The following MUC17 variants were observed in gnomAD, a reference collection of about 807,000 sequenced individuals.
The protein encoded by MUC17 is mucin 17, cell surface associated, also known as mucin-17.
MUC17 carries 190 observed loss-of-function variants against 170.3 expected under a neutral mutation model. The observed-to-expected ratio is 1.12, with a 90% CI of 0.99 to 1.26. The LOEUF is 1.26. Ranked by LOEUF, MUC17 falls within the 50% of genes most tolerant of loss-of-function variation. MUC17 has a pLI of 0.00. For synonymous variants in MUC17, 2,325 were observed against 2,002.5 expected (o/e 1.16, Z -4.30); for missense variants, 6,415 against 5,530.0 (o/e 1.16, Z -5.08).
At chr7:101,030,516 C>A (rs1380497935) in intron 1 of MUC17, among the ~76,000 whole-genome samples, 1 of 152,154 alleles carries the variant, frequency 6.6e-6, no homozygotes, top group Non-Finnish European at 1.5e-5. Flanking sequence ...AGCCACCACG[C>A]CCAGTCAGTT....
Position 101,048,120 on chromosome 7 carries a change from G to A in MUC17, c.12535+5G>A, listed in dbSNP as rs780366592. The A allele has an allele frequency of 1.3e-6, 2 of 1,576,800 alleles. No individual in the cohort carries two copies. The highest frequency in any genetic ancestry group is 8.6e-7 in the Non-Finnish European group (1 of 1,162,478). ...TGGTCAGCAGCATTGACATAGGTGA[G>A]TGCAACCCCAGGCCTTCCCCCACCC... On this transcript the variant is annotated splice_donor_5th_base_variant and intron_variant, in intron 4 of 12. Transcript: ENST00000306151.
chr7:101,039,247 AC>A lies in MUC17; in HGVS notation c.7833del (p.Ser2612ValfsTer20), dbSNP rs768891355. 1.2e-5 allele frequency: 20 copies of A among 1,605,606 alleles called. No homozygotes were observed. The highest frequency in any genetic ancestry group is 1.7e-5 in the Non-Finnish European group (20 of 1,176,724). ...TSIPVTTSTE[T>X]SSSPTTAKDT... Reference sequence around the variant, plus strand: ...CATACCTGTCACCACTTCTACTGAAACCAGTTCATCTCCTACAACTGCAAAA... The same window carrying A: ...CATACCTGTCACCACTTCTACTGAAACAGTTCATCTCCTACAACTGCAAAA... On this transcript the variant is annotated frameshift_variant, in exon 3 of 13. Coordinates refer to ENST00000306151, the MANE Select transcript of MUC17 (RefSeq NM_001040105.2). LOFTEE classifies it high-confidence loss of function.
At chr7:101,043,846 T>G in intron 3 of MUC17, 27 bp downstream of exon 3, 1 of 1,564,988 alleles carries the variant, frequency 6.4e-7, no homozygotes, top group Non-Finnish European at 8.7e-7. Context: ...ATTTTCCTTT[T>G]TTTTAAAATT....
chr7:101,058,017 G>C lies in MUC17; in HGVS notation c.13455G>C (p.Arg4485Ser). ...TCTCTTTTCAGATCCGAATTCAGAGGCCTCAGGTAATGACGACATCATTTT... is the reference window on the plus strand; with the variant it reads ...TCTCTTTTCAGATCCGAATTCAGAGCCCTCAGGTAATGACGACATCATTTT... ...IDPETKIRIQ[R>S]PQVMTTSF is the part of the protein sequence containing the mutation. The change falls in exon 13 of 13, where the codon AGG becomes AGC. Residue 4485 changes from arginine (R) to serine (S), a missense_variant. By Grantham distance (110) the Arg-to-Ser change is moderately radical. Coordinates refer to ENST00000306151, the MANE Select transcript of MUC17 (RefSeq NM_001040105.2). 6.2e-7 allele frequency: 1 copy of C among 1,613,884 alleles called. No individual in the cohort carries two copies. Among genetic ancestry groups the C allele is most frequent in the Admixed American group, 1.7e-5 (1 of 60,022 alleles).
chr7:101,041,884 A>C lies in MUC17; in HGVS notation c.10468A>C (p.Thr3490Pro). Residue 3490 changes from threonine to proline, a missense_variant, in exon 3 of 13, where the codon ACC becomes CCC. Coordinates refer to ENST00000306151, the MANE Select transcript of MUC17 (RefSeq NM_001040105.2). The stretch of plus-strand genomic sequence containing the variant: ...TCCTGTTGACACCAGCACACCTGTG[A>C]CCACTTCTTCTCCAACCAATTCATC... The part of the protein sequence containing the change: ...TTPVDTSTPV[T>P]TSSPTNSSPT... 1.2e-6 allele frequency: 2 copies of C among 1,614,076 alleles called. No individual in the cohort carries two copies. Among genetic ancestry groups the C allele is most frequent in the Non-Finnish European group, 1.7e-6 (2 of 1,180,000 alleles).
At chr7:101,056,375 G>A (rs1795045984) in intron 12 of MUC17, 105 bp downstream of exon 12, 1 of 1,509,700 alleles carries the variant, frequency 6.6e-7, no homozygotes, top group Non-Finnish European at 8.9e-7. Flanking sequence ...CATGTTTACA[G>A]TTTATTGGTC....
intron 7 of MUC17, among the ~76,000 whole-genome samples, chr7:101,051,261 A>G (rs1794936070): frequency 6.9e-6 from 1 of 144,828 alleles, no homozygotes; most frequent in Admixed American, 7.1e-5. Flanking sequence ...GCTACTTGGG[A>G]GGCTGAGGCA....
rs745639623 is a variant in MUC17, at chr7:101,052,974, C to G, written c.13104-12C>G. On this transcript the variant is annotated splice_polypyrimidine_tract_variant and intron_variant, in intron 9 of 12. Coordinates refer to ENST00000306151, the MANE Select transcript of MUC17 (RefSeq NM_001040105.2). ...TCTCTCTCCCCAACCTGCCGCTTCTCTCCCATCTCAGCTGCGTGACCACGG... is the reference window on the plus strand; with the variant it reads ...TCTCTCTCCCCAACCTGCCGCTTCTGTCCCATCTCAGCTGCGTGACCACGG... 1.2e-6 allele frequency: 2 copies of G among 1,608,876 alleles called. No homozygotes were observed. Among genetic ancestry groups the G allele is most frequent in the Admixed American group, 3.4e-5 (2 of 59,590 alleles).
Position 101,043,466 on chromosome 7 carries a change from C to T in MUC17, c.12050C>T (p.Thr4017Ile). 6.2e-7 allele frequency: 1 copy of T among 1,614,216 alleles called. No individual in the cohort carries two copies. The highest frequency in any genetic ancestry group is 1.1e-5 in the South Asian group (1 of 91,082). ...MSTAPSTPRTTSRGCTTSAST... is the reference protein window; with the variant it reads ...MSTAPSTPRTISRGCTTSAST... ...ACTGCCCCCAGCACACCCAGAACAA[C>T]CAGCAGAGGCTGCACTACTTCTGCA... The change falls in exon 3 of 13, where the codon ACC (threonine) becomes ATC (isoleucine). Residue 4017 changes from threonine to isoleucine, a missense_variant. By Grantham distance (89) the Thr-to-Ile change is moderately conservative. Coordinates refer to ENST00000306151, the MANE Select transcript of MUC17 (RefSeq NM_001040105.2).
rs1794525607 is a variant in MUC17, at chr7:101,037,471, TCTA to T, written c.6058_6060del (p.Thr2020del). 1.2e-6 allele frequency: 2 copies of T among 1,612,014 alleles called. No homozygotes were observed. Among genetic ancestry groups the T allele is most frequent in the African/African-American group, 2.7e-5 (2 of 74,716 alleles). On this transcript the variant is annotated inframe_deletion, in exon 3 of 13. Transcript: ENST00000306151. ...TGACACCAGCACTCCTGCCACCACTTCTACTGAAGGCAGTTCATCTCCTACAAC... is the reference window on the plus strand; with the variant it reads ...TGACACCAGCACTCCTGCCACCACTTCTGAAGGCAGTTCATCTCCTACAAC...
chr7:101,042,090 A>G lies in MUC17; in HGVS notation c.10674A>G (p.Pro3558=), dbSNP rs1794729941. 2 of 1,613,596 alleles carry G rather than the reference A, an allele frequency of 1.2e-6. No individual in the cohort carries two copies. Among genetic ancestry groups the G allele is most frequent in the Non-Finnish European group, 1.7e-6 (2 of 1,179,920 alleles). Residue 3558 remains proline, a synonymous_variant, in exon 3 of 13, where the codon CCA becomes CCG. Transcript: ENST00000306151. ...GTTCTAGTCAAGCCAGTTCATCTCC[A>G]GCAACTCTTCAGGTCACCACTATGC... The part of the protein sequence containing the change: ...VTSSSQASSS[P]ATLQVTTMRM...
At position 101,038,044 on chromosome 7, in the gene MUC17, A is replaced by T; in HGVS notation, c.6628A>T (p.Met2210Leu). 1 of 1,407,522 alleles carries T rather than the reference A, an allele frequency of 7.1e-7. No homozygotes were observed. Among genetic ancestry groups the T allele is most frequent in the African/African-American group, 1.4e-5 (1 of 69,036 alleles). The allele number at this position is 1,407,522 out of a possible 1,614,324, so 87.2% of individuals were successfully genotyped here. A position where few individuals can be genotyped will look rare whatever the true frequency, so the allele number is the denominator to read the frequency against. ...TCCTACAACTTCTGAAGGTACCAGC[A>T]TGCCAACCTCAACTCCTAGTGAAGG... ...SSPTTSEGTS[M>L]PTSTPSEGST... is the part of the protein sequence containing the mutation. Residue 2210 changes from methionine to leucine, a missense_variant, in exon 3 of 13, where the codon ATG becomes TTG. By Grantham distance (15) the Met-to-Leu change is conservative. Transcript: ENST00000306151.
At chr7:101,052,864 A>G (rs892857610) in intron 9 of MUC17, 122 bp from the exon 10 acceptor site, 2 of 1,218,688 alleles carry the variant, frequency 1.6e-6, no homozygotes, top group East Asian at 2.5e-5. Context: ...GCCTTGCTTT[A>G]TGCCCCCTGG....
chr7:101,047,095 A>AAAATAAATAAATAAAT (rs57775219), intron 3 of MUC17, among the ~76,000 whole-genome samples: 527 of 146,942 alleles, frequency 3.6e-3, no homozygotes, highest in Middle Eastern at 0.01. Context: ...AAAAAAAATT[A>AAAATAAATAAATAAAT]AAATAAATAA....
rs1399543563 is a variant in MUC17, at chr7:101,051,925, G to T, written c.13066G>T (p.Gly4356Cys). ...CAGTGTCTCCAAGAACTGTAACCTC[G>T]GCAAGTGCCAGATGTCTCTAAGTGG... ...GFSVSKNCNLGKCQMSLSGPQ... is the reference protein window; with the variant it reads ...GFSVSKNCNLCKCQMSLSGPQ... The change falls in exon 9 of 13, where the codon GGC becomes TGC. Residue 4356 changes from glycine to cysteine, a missense_variant. By Grantham distance (159) the Gly-to-Cys change is radical. Coordinates refer to ENST00000306151, the MANE Select transcript of MUC17 (RefSeq NM_001040105.2). The T allele has an allele frequency of 6.2e-7, 1 of 1,614,084 alleles. No homozygotes were observed. Among genetic ancestry groups the T allele is most frequent in the Non-Finnish European group, 8.5e-7 (1 of 1,179,982 alleles).
chr7:101,035,335 G>C lies in MUC17; in HGVS notation c.3919G>C (p.Gly1307Arg), dbSNP rs113959201. ...TLLTTPVDTKGPVVTSNEVSS... is the reference protein window; with the variant it reads ...TLLTTPVDTKRPVVTSNEVSS... Reference sequence around the variant, plus strand: ...TTTAACAACTCCTGTTGACACTAAAGGTCCTGTGGTCACTTCTAATGAAGT... The same window carrying C: ...TTTAACAACTCCTGTTGACACTAAACGTCCTGTGGTCACTTCTAATGAAGT... Residue 1307 changes from glycine to arginine, a missense_variant, in exon 3 of 13, where the codon GGT becomes CGT. Gly to Arg is a moderately radical substitution (Grantham distance 125, BLOSUM62 -2). Transcript: ENST00000306151. 2 of 1,591,902 alleles carry C rather than the reference G, an allele frequency of 1.3e-6. No individual in the cohort carries two copies. Among genetic ancestry groups the C allele is most frequent in the African/African-American group, 1.4e-5 (1 of 71,278 alleles).
rs759687437 is a variant in MUC17, at chr7:101,040,145, C to T, written c.8729C>T (p.Pro2910Leu). The change falls in exon 3 of 13, where the codon CCT (proline) becomes CTT (leucine). Residue 2910 changes from proline (P) to leucine (L), a missense_variant. Pro to Leu is a moderately conservative substitution (Grantham distance 98, BLOSUM62 -3). Transcript: ENST00000306151. ...VTTSTEGSSS[P>L]TTAEGTSMPI... ...ACTTCTACTGAAGGCAGTTCTTCTC[C>T]TACAACTGCTGAAGGTACCAGCATG... 8.7e-6 allele frequency: 14 copies of T among 1,612,856 alleles called. No homozygotes were observed. Among genetic ancestry groups the T allele is most frequent in the Non-Finnish European group, 1.2e-5 (14 of 1,179,440 alleles).
Position 101,056,283 on chromosome 7 carries a change from TG to T in MUC17, c.13440+15del, listed in dbSNP as rs1342484580. ...CCCTGAAACAAAGGTAAGAAGGGCCTGGATGGGATGCTGGCCTCCCCCAACC... is the reference window on the plus strand; with the variant it reads ...CCCTGAAACAAAGGTAAGAAGGGCCTGATGGGATGCTGGCCTCCCCCAACC... On this transcript the variant is annotated intron_variant, in intron 12 of 12. Coordinates refer to ENST00000306151, the MANE Select transcript of MUC17 (RefSeq NM_001040105.2). 1.9e-6 allele frequency: 3 copies of T among 1,613,430 alleles called. No individual in the cohort carries two copies. The East Asian group carries it at 6.7e-5, about 36-fold the overall frequency.
At position 101,034,268 on chromosome 7, in the gene MUC17, C is replaced by G. The variant is rs373737221; in HGVS notation, c.2852C>G (p.Thr951Ser). The G allele has an allele frequency of 3.7e-6, 6 of 1,608,826 alleles. No homozygotes were observed. In the African/African-American group the frequency reaches 8.0e-5, roughly 22 times the overall value. The change falls in exon 3 of 13, where the codon ACC (threonine) becomes AGC (serine). Residue 951 changes from threonine (T) to serine (S), a missense_variant. Transcript: ENST00000306151. ...ARTLSATPVD[T>S]STPVTTSTEA... ...ACACTTTCAGCAACTCCTGTTGACA[C>G]CAGCACACCTGTGACCACTTCTACT...
Sources: gnomAD v4.1 joint callset for allele counts (sites outside exome capture counted in the v4.1 genomes callset) on GRCh38, gnomAD v4.1.1 for gene constraint, MANE v1.5 for transcripts, NCBI Gene and HGNC (gene_info 2026-07-23, HGNC 2026-07-21) for gene names.